SPTB: variants seen among roughly 807,000 people sequenced by gnomAD.
The protein encoded by SPTB is spectrin beta, erythrocytic, also known as spectrin beta chain, erythrocytic.
In SPTB, 45 loss-of-function variants were observed where a neutral mutation model predicts 256.2. That is an observed-to-expected ratio of 0.18 (90% CI 0.14 to 0.23). SPTB has a LOEUF of 0.23. SPTB is among the 10% of genes least tolerant of loss of function. The pLI is 1.00. For missense variants in SPTB, 2,715 were observed against 3,040.4 expected, an observed-to-expected ratio of 0.89 and a Z score of 2.52; for synonymous variants, 1,231 against 1,243.1, an observed-to-expected ratio of 0.99 and a Z score of 0.21.
In SPTB at chr14:64,844,372, CCAACAA is replaced by C. The variant is rs2083656347; in HGVS notation, c.-51-21233_-51-21228del. ...AGACATTTGTAGAATACCATCACCC[CCAACAA>C]CGAAACAACCATGTTTAGTGAGTAC... On this transcript the variant is annotated intron_variant, in intron 1 of 35. Coordinates refer to ENST00000644917, the MANE Select transcript of SPTB (RefSeq NM_001355436.2). The surrounding 1 kb of genome is among the most constrained non-coding windows in gnomAD (Gnocchi z 4.1). 6.6e-6 allele frequency among the ~76,000 whole-genome samples: 1 copy of C among 152,200 alleles called. No individual in the cohort carries two copies. The highest frequency in any genetic ancestry group is 1.5e-5 in the Non-Finnish European group (1 of 68,032).
In SPTB at chr14:64,785,686, C is replaced by G; in HGVS notation, c.3765-59G>C. The G allele has an allele frequency of 6.2e-7, 1 of 1,613,548 alleles. No individual in the cohort carries two copies. Among genetic ancestry groups the G allele is most frequent in the Non-Finnish European group, 8.5e-7 (1 of 1,179,518 alleles). On this transcript the variant is annotated intron_variant, in intron 17 of 35. Transcript: ENST00000644917. This position sits in a 1 kb window ranked among gnomAD's most constrained non-coding sequence, Gnocchi z 4.4. The stretch of plus-strand genomic sequence containing the variant: ...TGCCGAGCTTGGGGTCCTCACCAAG[C>G]TTGGGGTCCTCACTACCCCCGTGTG...
In SPTB at chr14:64,802,133, T is replaced by G. The variant is rs1433592485; in HGVS notation, c.566+93A>C. The G allele has an allele frequency of 8.3e-7, 1 of 1,203,626 alleles. No individual in the cohort carries two copies. The highest frequency in any genetic ancestry group is 1.5e-5 in the African/African-American group (1 of 66,538). 74.6% of individuals were successfully genotyped at this position (1,203,626 alleles called of 1,614,324 possible). A position where few individuals can be genotyped will look rare whatever the true frequency, so the allele number is the denominator to read the frequency against. Reference sequence around the variant, plus strand: ...ACAGGGAGGCAGCTGTAGTTCTGGGTGATGATGTCTAATGTCCCTCTGGAG... The same window carrying G: ...ACAGGGAGGCAGCTGTAGTTCTGGGGGATGATGTCTAATGTCCCTCTGGAG... On this transcript the variant is annotated intron_variant, in intron 5 of 35. Coordinates refer to ENST00000644917, the MANE Select transcript of SPTB (RefSeq NM_001355436.2). The surrounding 1 kb of genome is among the most constrained non-coding windows in gnomAD (Gnocchi z 5.1).
intron 19 of SPTB, among the ~76,000 whole-genome samples, chr14:64,783,230 G>A (rs11626598): frequency 0.067 from 10,109 of 151,176 alleles, 486 homozygotes; most frequent in East Asian, 0.21. Flanking sequence ...TTGAGACAGC[G>A]TCTCTCTCTG....
At chr14:64,770,758 A>C in intron 27 of SPTB, 127 bp downstream of exon 27, 1 of 1,459,542 alleles carries the variant, frequency 6.9e-7, no homozygotes, top group South Asian at 1.2e-5. Flanking sequence ...AGTGTCCCCC[A>C]GGGATTTTCA....
rs1181018470 is a variant in SPTB at position 64,747,390 on chromosome 14, T to TC, written c.*1915dup. The TC allele has an allele frequency of 6.6e-6, 1 of 152,670 alleles. No individual in the cohort carries two copies. The highest frequency in any genetic ancestry group is 1.5e-5 in the Non-Finnish European group (1 of 68,064). 9.5% of individuals were successfully genotyped at this position (152,670 alleles called of 1,614,324 possible). Reference sequence around the variant, plus strand: ...GTGCAGTCACCTCACTGCCTTGGTTTCCCCAGATACAGAAAGAGGCTGGTG... The same window carrying TC: ...GTGCAGTCACCTCACTGCCTTGGTTTCCCCCAGATACAGAAAGAGGCTGGTG... On this transcript the variant is annotated 3_prime_UTR_variant, in exon 36 of 36. Coordinates refer to ENST00000644917, the MANE Select transcript of SPTB (RefSeq NM_001355436.2).
chr14:64,792,897 A>T lies in SPTB; in HGVS notation c.2666+100T>A. 1 of 1,553,912 alleles carries T rather than the reference A, an allele frequency of 6.4e-7. No homozygotes were observed. Among genetic ancestry groups the T allele is most frequent in the African/African-American group, 1.4e-5 (1 of 73,948 alleles). On this transcript the variant is annotated intron_variant, in intron 14 of 35. Coordinates refer to ENST00000644917, the MANE Select transcript of SPTB (RefSeq NM_001355436.2). This position sits in a 1 kb window ranked among gnomAD's most constrained non-coding sequence, Gnocchi z 4.2. ...ACAAAGGACATCCCAGGGCCTCTCA[A>T]AGAGACCTTTGCTGATCCAGAGACT... is the stretch of plus-strand genomic sequence containing the variant.
rs2082047218 is a variant in SPTB at position 64,758,429 on chromosome 14, T to G, written c.6346-4636A>C. ...CTGAGGCCCCACCCCTTTAGGGTAG[T>G]GCAGAAGTGGCCTGAGGCCCTGCCT... On this transcript the variant is annotated intron_variant, in intron 32 of 35. Transcript: ENST00000644917. This position sits in a 1 kb window ranked among gnomAD's most constrained non-coding sequence, Gnocchi z 4.6. Among the ~76,000 whole-genome samples the G allele has an allele frequency of 6.6e-6, 1 of 152,190 alleles. No homozygotes were observed. The highest frequency in any genetic ancestry group is 6.5e-5 in the Admixed American group (1 of 15,276).
At chr14:64,762,368 G>A (rs1414931887) in intron 32 of SPTB, among the ~76,000 whole-genome samples, 5 of 152,338 alleles carry the variant, frequency 3.3e-5, no homozygotes, top group African/African-American at 7.2e-5. Flanking sequence ...ATCCAAGGAC[G>A]TCAGAGCCCC....
In SPTB at chr14:64,791,806, C is replaced by A; in HGVS notation, c.2717G>T (p.Gly906Val). ...CAAGCTGTTGGCAGCGAGGTTCACA[C>A]CATCAATCTGAGTCATCAAGGTCTT... The part of the protein sequence containing the change: ...EMKTLMTQID[G>V]VNLAANSLVE... Residue 906 changes from glycine to valine, a missense_variant, in exon 15 of 36, where the codon GGT (glycine) becomes GTT (valine). By Grantham distance (109) the Gly-to-Val change is moderately radical. This residue lies in a region of SPTB where 2,239 missense variants were observed against 2,384.4 expected (regional missense o/e 0.94). Transcript: ENST00000644917. The A allele has an allele frequency of 6.2e-7, 1 of 1,614,172 alleles. No individual in the cohort carries two copies.
In SPTB at chr14:64,859,315, T is replaced by G. The variant is rs965050232; in HGVS notation, c.-52+20477A>C. Among the ~76,000 whole-genome samples, 7 of 152,248 alleles carry G rather than the reference T, an allele frequency of 4.6e-5. No individual in the cohort carries two copies. In the East Asian group the frequency reaches 1.3e-3, roughly 29 times the overall value. On this transcript the variant is annotated intron_variant, in intron 1 of 35. Coordinates refer to ENST00000644917, the MANE Select transcript of SPTB (RefSeq NM_001355436.2). Reference sequence around the variant, plus strand: ...AATAAAGTATGGTTCTTCCCTATCATGAAATATAGTGGAACAATTTTGAAT... The same window carrying G: ...AATAAAGTATGGTTCTTCCCTATCAGGAAATATAGTGGAACAATTTTGAAT...
rs563766129 is a variant in SPTB at position 64,824,757 on chromosome 14, G to T, written c.-51-1612C>A. Reference sequence around the variant, plus strand: ...GCACATCCACCAGGCACATGATCACGGAGGCACTGAAGCACATTCACCAGC... The same window carrying T: ...GCACATCCACCAGGCACATGATCACTGAGGCACTGAAGCACATTCACCAGC... On this transcript the variant is annotated intron_variant, in intron 1 of 35. Coordinates refer to ENST00000644917, the MANE Select transcript of SPTB (RefSeq NM_001355436.2). The surrounding 1 kb of genome is among the most constrained non-coding windows in gnomAD (Gnocchi z 5.7). 2.0e-5 allele frequency among the ~76,000 whole-genome samples: 3 copies of T among 152,150 alleles called. No individual in the cohort carries two copies. Among genetic ancestry groups the T allele is most frequent in the African/African-American group, 7.2e-5 (3 of 41,426 alleles).
At chr14:64,818,948 C>T (rs2083239876) in intron 2 of SPTB, among the ~76,000 whole-genome samples, 1 of 152,178 alleles carries the variant, frequency 6.6e-6, no homozygotes, top group Non-Finnish European at 1.5e-5. Context: ...GTCTCCAGTC[C>T]AGGAAGAAGC....
intron 32 of SPTB, chr14:64,766,272 G>C (rs2082180455): frequency 1.9e-6 from 1 of 538,540 alleles, no homozygotes; most frequent in Admixed American, 4.6e-5. Context: ...ATTTGTGTGT[G>C]CATGCATGTG....
At chr14:64,799,676 C>T in intron 9 of SPTB, 71 bp downstream of exon 9, 2 of 1,579,536 alleles carry the variant, frequency 1.3e-6, no homozygotes, top group East Asian at 2.3e-5. Flanking sequence ...AGGCCCAGAA[C>T]CTGGCTCTAC....
chr14:64,767,186 G>T, intron 31 of SPTB, 117 bp downstream of exon 31: 1 of 1,317,606 alleles, frequency 7.6e-7, no homozygotes, highest in Non-Finnish European at 1.1e-6. Flanking sequence ...CCTGACGAGG[G>T]TGCCCAGTGT....
At chr14:64,776,065 C>A (rs1038617876) in intron 22 of SPTB, among the ~76,000 whole-genome samples, 2 of 152,168 alleles carry the variant, frequency 1.3e-5, no homozygotes, top group Non-Finnish European at 2.9e-5. Flanking sequence ...CTTCAGGAGG[C>A]CCTGACACGT....
At chr14:64,763,645 G>A (rs1161188151) in intron 32 of SPTB, 7 of 492,776 alleles carry the variant, frequency 1.4e-5, no homozygotes, top group African/African-American at 9.7e-5. Context: ...AATCACGCAG[G>A]AAGTTACCAA....
At chr14:64,843,351 A>C (rs1197078762) in intron 1 of SPTB, among the ~76,000 whole-genome samples, 1 of 152,178 alleles carries the variant, frequency 6.6e-6, no homozygotes, top group Admixed American at 6.5e-5. Context: ...CAGAGCAGTC[A>C]CGCAGTTACT....
intron 1 of SPTB, among the ~76,000 whole-genome samples, chr14:64,857,103 C>T (rs781547916): frequency 7.9e-5 from 12 of 152,140 alleles, no homozygotes; most frequent in Non-Finnish European, 1.6e-4. Flanking sequence ...CCCCAAAATG[C>T]AGCATGTGAC....
Sources: gnomAD v4.1 joint callset for allele counts (sites outside exome capture counted in the v4.1 genomes callset) on GRCh38, gnomAD v4.1.1 for gene constraint, gnomAD v4.1.1 regional missense constraint, Gnocchi (gnomAD v3.1) non-coding constraint, MANE v1.5 for transcripts, NCBI Gene and HGNC (gene_info 2026-07-23, HGNC 2026-07-21) for gene names.